Variants in KCNIP4 observed in about 807,000 individuals in gnomAD.
KCNIP4 encodes Kv channel-interacting protein 4.
In KCNIP4, 12 loss-of-function variants were observed where a neutral mutation model predicts 34.0. The ratio of observed to expected loss-of-function variants is 0.35; its 90% confidence interval spans 0.23 to 0.57. The LOEUF (loss-of-function observed/expected upper bound fraction) is 0.57, where lower values mean the gene tolerates loss of function less well. Among genes scored for constraint, KCNIP4 ranks in the 20% least tolerant of loss-of-function variants. The pLI, the probability that KCNIP4 is intolerant of heterozygous loss-of-function variation, is 0.83. For synonymous variants in KCNIP4, 124 were observed against 102.2 expected (o/e 1.21, Z -1.29); for missense variants, 238 against 311.7 (o/e 0.76, Z 1.78).
chr4:21,869,552 C>A (rs1254465446), intron 1 of KCNIP4, among the ~76,000 whole-genome samples: 2 of 152,084 alleles, frequency 1.3e-5, no homozygotes, highest in Non-Finnish European at 2.9e-5. Context: ...TTCCAGGGCC[C>A]CAGACTTTGT....
intron 1 of KCNIP4, among the ~76,000 whole-genome samples, chr4:21,077,680 G>T (rs948411135): frequency 6.6e-5 from 10 of 152,010 alleles, no homozygotes; most frequent in Non-Finnish European, 8.8e-5. Flanking sequence ...GTTCTTGCAA[G>T]AATTAATTAG....
chr4:21,339,406 C>G (rs1033327630), intron 1 of KCNIP4, among the ~76,000 whole-genome samples: 3 of 152,174 alleles, frequency 2.0e-5, no homozygotes, highest in African/African-American at 7.2e-5. Flanking sequence ...TTACTAGCAG[C>G]TTACAAAGCA....
chr4:21,354,921 A>T (rs1461122032), intron 1 of KCNIP4, among the ~76,000 whole-genome samples: 1 of 152,196 alleles, frequency 6.6e-6, no homozygotes, highest in Non-Finnish European at 1.5e-5. Flanking sequence ...CAGCAAATGT[A>T]AAAGAACAGA....
At chr4:21,512,895 C>T (rs1734452626) in intron 1 of KCNIP4, among the ~76,000 whole-genome samples, 1 of 152,160 alleles carries the variant, frequency 6.6e-6, no homozygotes, top group Non-Finnish European at 1.5e-5. Context: ...AAACAATGAA[C>T]ACAATCTCGC....
chr4:21,565,849 G>A (rs962758011), intron 1 of KCNIP4, among the ~76,000 whole-genome samples: 9 of 152,130 alleles, frequency 5.9e-5, no homozygotes, highest in Non-Finnish European at 1.3e-4. Flanking sequence ...AGACCATGGG[G>A]AAAACTGGTG....
chr4:21,762,522 A>G (rs1718128335), intron 1 of KCNIP4, among the ~76,000 whole-genome samples: 1 of 152,154 alleles, frequency 6.6e-6, no homozygotes, highest in Non-Finnish European at 1.5e-5. Context: ...GCTGCCTTTA[A>G]CTTATAAAAT....
At chr4:20,907,532 A>C (rs1727890654) in intron 1 of KCNIP4, among the ~76,000 whole-genome samples, 4 of 152,252 alleles carry the variant, frequency 2.6e-5, no homozygotes, top group Non-Finnish European at 5.9e-5. Context: ...ACATATAACC[A>C]CACTGGCAAT....
chr4:21,279,613 CAATT>C (rs1762655978), intron 1 of KCNIP4, among the ~76,000 whole-genome samples: 1 of 151,056 alleles, frequency 6.6e-6, no homozygotes, highest in African/African-American at 2.4e-5. Flanking sequence ...AATTTAATAT[CAATT>C]AAATTATTCA....
intron 1 of KCNIP4, among the ~76,000 whole-genome samples, chr4:21,200,182 A>C (rs1029983560): frequency 6.6e-5 from 10 of 151,990 alleles, no homozygotes; most frequent in African/African-American, 2.2e-4. Flanking sequence ...CTAGAATTTA[A>C]AGTATTAAAA....
At chr4:21,038,089 T>C (rs1021532110) in intron 1 of KCNIP4, among the ~76,000 whole-genome samples, 1 of 152,196 alleles carries the variant, frequency 6.6e-6, no homozygotes, top group East Asian at 1.9e-4. Flanking sequence ...GTGATTCTCC[T>C]GCCTCAGCCT....
intron 1 of KCNIP4, among the ~76,000 whole-genome samples, chr4:21,585,383 A>G (rs1206461278): frequency 6.6e-6 from 1 of 152,094 alleles, no homozygotes; most frequent in Non-Finnish European, 1.5e-5. Context: ...TCTCAATCCA[A>G]TTACTTATAA....
At chr4:21,366,545 G>T (rs1035932057) in intron 1 of KCNIP4, among the ~76,000 whole-genome samples, 1 of 152,196 alleles carries the variant, frequency 6.6e-6, no homozygotes, top group African/African-American at 2.4e-5. Context: ...CGATGGGACT[G>T]CAAAAAGTAC....
chr4:21,106,190 C>G (rs1482141348), intron 1 of KCNIP4, among the ~76,000 whole-genome samples: 9 of 150,454 alleles, frequency 6.0e-5, no homozygotes, highest in Non-Finnish European at 1.0e-4. Flanking sequence ...CCTCCTTGTG[C>G]CTCTGGTAGA....
At chr4:20,908,368 T>A (rs1289709256) in intron 1 of KCNIP4, among the ~76,000 whole-genome samples, 1 of 152,214 alleles carries the variant, frequency 6.6e-6, no homozygotes, top group East Asian at 1.9e-4. Flanking sequence ...AAAGTGGGAT[T>A]ACAGGCGTGA....
At chr4:21,295,917 A>G (rs1322262568) in intron 1 of KCNIP4, among the ~76,000 whole-genome samples, 1 of 130,292 alleles carries the variant, frequency 7.7e-6, no homozygotes, top group Non-Finnish European at 1.7e-5. Flanking sequence ...ACATGCAGTT[A>G]GTGAATGAAT....
At chr4:21,393,703 C>A (rs779947242) in intron 1 of KCNIP4, among the ~76,000 whole-genome samples, 1 of 151,070 alleles carries the variant, frequency 6.6e-6, no homozygotes, top group Non-Finnish European at 1.5e-5. Context: ...ACTTTTCCAA[C>A]TATTAGAATC....
intron 1 of KCNIP4, among the ~76,000 whole-genome samples, chr4:21,475,828 G>T (rs1282334183): frequency 6.6e-5 from 10 of 152,032 alleles, no homozygotes; most frequent in Non-Finnish European, 1.3e-4. Flanking sequence ...ACCCATTCTG[G>T]ATGATGCAAA....
intron 1 of KCNIP4, among the ~76,000 whole-genome samples, chr4:20,952,845 C>T (rs1732918111): frequency 2.6e-5 from 4 of 152,192 alleles, no homozygotes; most frequent in Non-Finnish European, 5.9e-5. Context: ...GCTCTGGAGG[C>T]TGGGAAGTCT....
chr4:21,656,278 T>C (rs1747920310), intron 1 of KCNIP4, among the ~76,000 whole-genome samples: 1 of 152,128 alleles, frequency 6.6e-6, no homozygotes, highest in African/African-American at 2.4e-5. Flanking sequence ...TTCAAAACTC[T>C]CCTTTTTATC....
Sources: allele counts gnomAD v4.1 joint callset (sites outside exome capture counted in the v4.1 genomes callset), GRCh38; gene constraint gnomAD v4.1.1; transcripts MANE v1.5; gene names NCBI Gene and HGNC (gene_info 2026-07-23, HGNC 2026-07-21).